Variants in CAMK1D observed in about 807,000 individuals in gnomAD.
CAMK1D encodes calcium/calmodulin dependent protein kinase ID, also known as calcium/calmodulin-dependent protein kinase type 1D.
CAMK1D carries 9 observed loss-of-function variants against 47.7 expected under a neutral mutation model. The observed-to-expected ratio is 0.19, with a 90% confidence interval of 0.11 to 0.33. The LOEUF is 0.33. Ranked by LOEUF, CAMK1D falls within the 10% of genes least tolerant of loss-of-function variation. The pLI, the probability that CAMK1D is intolerant of heterozygous loss-of-function variation, is 1.00. For synonymous variants in CAMK1D, 184 were observed against 184.9 expected, an observed-to-expected ratio of 0.99 and a Z score of 0.04; for missense variants, 291 against 488.7, an observed-to-expected ratio of 0.60 and a Z score of 3.81.
intron 3 of CAMK1D, among the ~76,000 whole-genome samples, chr10:12,674,889 C>A (rs1004495632): frequency 6.6e-6 from 1 of 151,518 alleles, no homozygotes; most frequent in South Asian, 2.1e-4. Flanking sequence ...AAAATTAGCT[C>A]GGTGTGATGG....
chr10:12,503,503 G>A (rs1454476056), intron 1 of CAMK1D, among the ~76,000 whole-genome samples: 3 of 152,182 alleles, frequency 2.0e-5, no homozygotes, highest in Non-Finnish European at 4.4e-5. Context: ...AGCAGAGAGG[G>A]GGGCCTGTGA....
intron 5 of CAMK1D, among the ~76,000 whole-genome samples, chr10:12,784,342 C>T (rs12769957): frequency 0.23 from 34,720 of 151,704 alleles, 4,105 homozygotes; most frequent in East Asian, 0.46. Flanking sequence ...GAATTACAGG[C>T]ATCCACCACC....
intron 5 of CAMK1D, among the ~76,000 whole-genome samples, chr10:12,776,838 C>G (rs191181937): frequency 6.6e-6 from 1 of 152,148 alleles, no homozygotes; most frequent in African/African-American, 2.4e-5. Context: ...AAACACGACA[C>G]CAAATAGAGG....
At chr10:12,420,017 T>C (rs1839995957) in intron 1 of CAMK1D, among the ~76,000 whole-genome samples, 1 of 152,014 alleles carries the variant, frequency 6.6e-6, no homozygotes, top group African/African-American at 2.4e-5. Context: ...TGAAGCACAG[T>C]GTCGAGCTCT....
At chr10:12,372,784 A>G (rs1344402057) in intron 1 of CAMK1D, among the ~76,000 whole-genome samples, 1 of 146,252 alleles carries the variant, frequency 6.8e-6, no homozygotes, top group Non-Finnish European at 1.5e-5. Flanking sequence ...ACATGCCACC[A>G]GGCTCAGCTA....
At chr10:12,740,141 C>T (rs1835366706) in intron 3 of CAMK1D, among the ~76,000 whole-genome samples, 1 of 152,170 alleles carries the variant, frequency 6.6e-6, no homozygotes, top group Non-Finnish European at 1.5e-5. Context: ...TTCCTGGGGC[C>T]TCACCTCTGC....
chr10:12,530,972 G>A (rs190230554), intron 1 of CAMK1D, among the ~76,000 whole-genome samples: 54 of 151,314 alleles, frequency 3.6e-4, no homozygotes, highest in Non-Finnish European at 6.2e-4. Context: ...CAGGAGAATT[G>A]TTTGAACTCT....
At chr10:12,728,363 G>A (rs1041697878) in intron 3 of CAMK1D, among the ~76,000 whole-genome samples, 4 of 152,212 alleles carry the variant, frequency 2.6e-5, no homozygotes, top group Non-Finnish European at 5.9e-5. Context: ...CTTGGGCAGC[G>A]CTAGTTACAT....
At chr10:12,799,084 A>G (rs757700520) in intron 6 of CAMK1D, among the ~76,000 whole-genome samples, 1 of 152,168 alleles carries the variant, frequency 6.6e-6, no homozygotes, top group African/African-American at 2.4e-5. Flanking sequence ...ATTCCATCGT[A>G]CACCAGCAAG....
chr10:12,388,128 A>C (rs1838589370), intron 1 of CAMK1D, among the ~76,000 whole-genome samples: 1 of 152,160 alleles, frequency 6.6e-6, no homozygotes, highest in African/African-American at 2.4e-5. Flanking sequence ...TCACCAAAGA[A>C]GACCCTGGCT....
chr10:12,748,395 G>T (rs937558257), intron 3 of CAMK1D, among the ~76,000 whole-genome samples: 1 of 152,216 alleles, frequency 6.6e-6, no homozygotes, highest in African/African-American at 2.4e-5. Context: ...CTGGCTGGAG[G>T]GATGCCGAGG....
chr10:12,774,085 C>T (rs1312534776), intron 5 of CAMK1D, among the ~76,000 whole-genome samples: 1 of 151,174 alleles, frequency 6.6e-6, no homozygotes, highest in African/African-American at 2.4e-5. Flanking sequence ...GGGGCGGGTA[C>T]ATCAATAGAA....
chr10:12,611,169 C>A (rs1699666240), intron 2 of CAMK1D, among the ~76,000 whole-genome samples: 1 of 152,134 alleles, frequency 6.6e-6, no homozygotes, highest in African/African-American at 2.4e-5. Flanking sequence ...CTAATCACCA[C>A]CTTCTGCTGG....
At chr10:12,819,178 G>A (rs1307693603) in intron 8 of CAMK1D, among the ~76,000 whole-genome samples, 2 of 152,168 alleles carry the variant, frequency 1.3e-5, no homozygotes, top group Non-Finnish European at 2.9e-5. Context: ...GAGGAGGCTG[G>A]GAGAGGGGCA....
rs373302523 is a variant in CAMK1D, at chr10:12,532,173, A to G, written c.93-21052A>G. Among the ~76,000 whole-genome samples the G allele has an allele frequency of 2.6e-5, 4 of 152,174 alleles. No homozygotes were observed. The East Asian group carries it at 5.8e-4, about 22-fold the overall frequency. On this transcript the variant is annotated intron_variant, in intron 1 of 10. Coordinates refer to ENST00000619168, the MANE Select transcript of CAMK1D (RefSeq NM_153498.4). ...TTAGAAAAATTTATAATTGGAAACT[A>G]TAATTTACAATGTATAATTTTCTTA...
chr10:12,659,313 T>G (rs114579504), intron 2 of CAMK1D, among the ~76,000 whole-genome samples: 202 of 152,242 alleles, frequency 1.3e-3, no homozygotes, highest in African/African-American at 4.7e-3. Flanking sequence ...TTTGGAGAGA[T>G]CACTCAGGAG....
intron 1 of CAMK1D, among the ~76,000 whole-genome samples, chr10:12,496,351 A>C (rs1588554507): frequency 1.3e-5 from 2 of 152,092 alleles, no homozygotes; most frequent in Admixed American, 6.6e-5. Context: ...GTTTCTCTCT[A>C]GGGTCGTTGT....
chr10:12,545,051 G>A (rs1836317620), intron 1 of CAMK1D, among the ~76,000 whole-genome samples: 1 of 152,206 alleles, frequency 6.6e-6, no homozygotes, highest in Admixed American at 6.5e-5. Context: ...GTTGGTACAA[G>A]TATTATTAGG....
chr10:12,778,864 C>A (rs12778549), intron 5 of CAMK1D, among the ~76,000 whole-genome samples: 2,275 of 151,390 alleles, frequency 0.015, 25 homozygotes, highest in Middle Eastern at 0.068. Flanking sequence ...CAGAGTGAGA[C>A]CCCATCTCTA....
Sources: gnomAD v4.1 joint callset for allele counts (sites outside exome capture counted in the v4.1 genomes callset) on GRCh38, gnomAD v4.1.1 for gene constraint, MANE v1.5 for transcripts, NCBI Gene and HGNC (gene_info 2026-07-23, HGNC 2026-07-21) for gene names.